Variants in LNX2 observed in about 807,000 individuals in gnomAD.
The protein encoded by LNX2 is ligand of Numb protein X 2.
In LNX2, 35 loss-of-function variants were observed where a neutral mutation model predicts 66.2. The ratio of observed to expected loss-of-function variants is 0.53; its 90% CI spans 0.40 to 0.70. LNX2 has a LOEUF of 0.70. Among genes scored for constraint, LNX2 ranks in the 30% least tolerant of loss-of-function variants. The pLI, the probability that LNX2 is intolerant of heterozygous loss-of-function variation, is 0.00. For synonymous variants in LNX2, 337 were observed against 315.6 expected (o/e 1.07, Z -0.72); for missense variants, 791 against 850.8 (o/e 0.93, Z 0.87).
chr13:27,583,708 G>A (rs900425228), intron 1 of LNX2, among the ~76,000 whole-genome samples: 6 of 152,082 alleles, frequency 3.9e-5, no homozygotes, highest in Non-Finnish European at 5.9e-5. Flanking sequence ...TTCTTCTTCT[G>A]TAAATATTTA....
chr13:27,577,601 G>T (rs1205191736), intron 2 of LNX2, among the ~76,000 whole-genome samples: 1 of 152,118 alleles, frequency 6.6e-6, no homozygotes, highest in Non-Finnish European at 1.5e-5. Context: ...GGCACAGGCT[G>T]AACAAACTTG....
intron 1 of LNX2, among the ~76,000 whole-genome samples, chr13:27,584,600 T>C (rs1438220228): frequency 6.6e-6 from 1 of 151,652 alleles, no homozygotes; most frequent in Non-Finnish European, 1.5e-5. Flanking sequence ...GCAGGAGGAC[T>C]GCTTGAGCCC....
At chr13:27,553,568 T>C (rs1475695082) in intron 7 of LNX2, 129 bp from the exon 8 acceptor site, 5 of 614,482 alleles carry the variant, frequency 8.1e-6, no homozygotes, top group Non-Finnish European at 1.4e-5. Flanking sequence ...TAATAATAAA[T>C]GGCATTTATT....
intron 1 of LNX2, among the ~76,000 whole-genome samples, chr13:27,602,210 T>A (rs1306119302): frequency 1.3e-5 from 2 of 152,158 alleles, no homozygotes; most frequent in African/African-American, 4.8e-5. Flanking sequence ...CCCAAGTAGC[T>A]GGGATTACAG....
At chr13:27,559,542 A>G (rs149352592) in intron 6 of LNX2, among the ~76,000 whole-genome samples, 52 of 152,324 alleles carry the variant, frequency 3.4e-4, no homozygotes, top group African/African-American at 1.2e-3. Context: ...AAGTAGGATT[A>G]AACAGATAGA....
intron 2 of LNX2, among the ~76,000 whole-genome samples, chr13:27,574,020 T>C (rs1297289733): frequency 2.0e-5 from 3 of 151,314 alleles, no homozygotes; most frequent in South Asian, 2.1e-4. Flanking sequence ...ATTTTAGATA[T>C]GTTCAAAGAA....
chr13:27,584,575 A>G (rs1025115662), intron 1 of LNX2, among the ~76,000 whole-genome samples: 3 of 150,536 alleles, frequency 2.0e-5, no homozygotes, highest in African/African-American at 7.4e-5. Context: ...AGTCCCAGTT[A>G]ATTGGGAGGC....
chr13:27,585,413 C>CTCTG (rs1456533781), intron 1 of LNX2, among the ~76,000 whole-genome samples: 1 of 151,400 alleles, frequency 6.6e-6, no homozygotes, highest in Admixed American at 6.6e-5. Flanking sequence ...CACAGCAAGA[C>CTCTG]TCTGTCTCAA....
At chr13:27,564,956 G>T (rs1955187051) in intron 4 of LNX2, among the ~76,000 whole-genome samples, 1 of 152,032 alleles carries the variant, frequency 6.6e-6, no homozygotes, top group Non-Finnish European at 1.5e-5. Flanking sequence ...CAGAAGTCAG[G>T]GCCTATAATA....
At chr13:27,556,036 T>C (rs954441591) in intron 7 of LNX2, among the ~76,000 whole-genome samples, 200 bp downstream of exon 7, 1 of 152,202 alleles carries the variant, frequency 6.6e-6, no homozygotes, top group Non-Finnish European at 1.5e-5. Context: ...GGAACTGTCA[T>C]CAAGGTTCAG....
rs1281887041 is a variant in LNX2, at chr13:27,562,657, T to C, written c.980A>G (p.His327Arg). 1.9e-6 allele frequency: 3 copies of C among 1,614,044 alleles called. No homozygotes were observed. Among genetic ancestry groups the C allele is most frequent in the African/African-American group, 1.3e-5 (1 of 74,920 alleles). ...TTCTCGTGGAGAGTTACTATCAGAA[T>C]GGTTGTGTGCTCGGTTGCCAAAGCG... The part of the protein sequence containing the change: ...ERRFGNRAHN[H>R]SDSNSPREEI... Residue 327 changes from histidine (H) to arginine (R), a missense_variant, in exon 5 of 10, where the codon CAT becomes CGT. His to Arg is a conservative substitution (Grantham distance 29). Coordinates refer to ENST00000316334, the MANE Select transcript of LNX2 (RefSeq NM_153371.4).
chr13:27,551,182 G>A (rs1038894228), intron 8 of LNX2, among the ~76,000 whole-genome samples: 5 of 152,144 alleles, frequency 3.3e-5, no homozygotes, highest in African/African-American at 1.2e-4. Context: ...CAGTTACTGG[G>A]AGGCTGAGAC....
At chr13:27,553,480 G>T in intron 7 of LNX2, 41 bp from the exon 8 acceptor site, 1 of 1,497,000 alleles carries the variant, frequency 6.7e-7, no homozygotes, top group Non-Finnish European at 9.3e-7. Context: ...CTGAGCCACT[G>T]AGTTTTCACC....
chr13:27,591,431 G>T (rs558332285), intron 1 of LNX2, among the ~76,000 whole-genome samples: 4 of 152,288 alleles, frequency 2.6e-5, no homozygotes, highest in Non-Finnish European at 5.9e-5. Flanking sequence ...AGTTTCCTGT[G>T]TTTCCAAAAC....
chr13:27,616,852 C>T (rs1309029223), intron 1 of LNX2, among the ~76,000 whole-genome samples: 1 of 152,174 alleles, frequency 6.6e-6, no homozygotes, highest in African/African-American at 2.4e-5. Flanking sequence ...CGGGTTCAAG[C>T]GATTTCTCCT....
chr13:27,573,051 GC>G (rs553049380), intron 2 of LNX2, among the ~76,000 whole-genome samples: 23 of 152,196 alleles, frequency 1.5e-4, no homozygotes, highest in Non-Finnish European at 2.8e-4. Context: ...GTGGAAATTA[GC>G]CAAAGAATTA....
intron 2 of LNX2, among the ~76,000 whole-genome samples, chr13:27,569,985 T>C (rs1339757337): frequency 6.6e-6 from 1 of 152,230 alleles, no homozygotes; most frequent in African/African-American, 2.4e-5. Flanking sequence ...TTTTTACTTA[T>C]TTAAGCAAAT....
In LNX2 at chr13:27,581,324, CA is replaced by C; in HGVS notation, c.379del (p.Cys127ValfsTer42). ...GTTTTTGAGATGTGCCTCCAGATCACAACGTTGCATTACATCTTTGCACACT... is the reference window on the plus strand; with the variant it reads ...GTTTTTGAGATGTGCCTCCAGATCACACGTTGCATTACATCTTTGCACACT... ...SSVCKDVMQR[C>X]DLEAHLKNRC... On this transcript the variant is annotated frameshift_variant, in exon 2 of 10. Transcript: ENST00000316334. LOFTEE classifies it high-confidence loss of function. 6.6e-7 allele frequency: 1 copy of C among 1,507,148 alleles called. No individual in the cohort carries two copies. Among genetic ancestry groups the C allele is most frequent in the Non-Finnish European group, 8.9e-7 (1 of 1,125,590 alleles). The allele number at this position is 1,507,148 out of a possible 1,614,324, so 93.4% of individuals were successfully genotyped here.
At chr13:27,619,598 A>G (rs1955869307) in intron 1 of LNX2, among the ~76,000 whole-genome samples, 1 of 152,236 alleles carries the variant, frequency 6.6e-6, no homozygotes, top group South Asian at 2.1e-4. Context: ...TTTAAAAAGC[A>G]TAATATACAC....
Sources: allele counts gnomAD v4.1 joint callset (sites outside exome capture counted in the v4.1 genomes callset), GRCh38; gene constraint gnomAD v4.1.1; transcripts MANE v1.5; gene names NCBI Gene and HGNC (gene_info 2026-07-23, HGNC 2026-07-21).